The following IQUB variants were observed in gnomAD, a reference collection of about 807,000 sequenced individuals.
The protein encoded by IQUB is IQ motif and ubiquitin-like domain-containing protein.
IQUB carries 86 observed loss-of-function variants against 86.4 expected under a neutral mutation model. The observed-to-expected ratio is 1.00, with a 90% CI of 0.84 to 1.19. The LOEUF (loss-of-function observed/expected upper bound fraction) is 1.19, where lower values mean the gene tolerates loss of function less well. IQUB is among the 50% of genes most tolerant of loss of function. The pLI is 0.00. For synonymous variants in IQUB, 289 were observed against 304.5 expected, an observed-to-expected ratio of 0.95 and a Z score of 0.53; for missense variants, 946 against 916.9, an observed-to-expected ratio of 1.03 and a Z score of -0.41.
intron 1 of IQUB, among the ~76,000 whole-genome samples, chr7:123,518,987 AT>A (rs1172413366): frequency 1.3e-5 from 2 of 148,976 alleles, no homozygotes; most frequent in African/African-American, 2.5e-5. Flanking sequence ...CCCCTAATTT[AT>A]TTTTTTCATC....
intron 1 of IQUB, among the ~76,000 whole-genome samples, chr7:123,512,648 A>G (rs894369400): frequency 6.6e-6 from 1 of 152,164 alleles, no homozygotes; most frequent in Non-Finnish European, 1.5e-5. Flanking sequence ...GCCTCATGAA[A>G]AGACTTTTTG....
chr7:123,488,316 G>A (rs924453606), intron 7 of IQUB, among the ~76,000 whole-genome samples: 3 of 150,290 alleles, frequency 2.0e-5, no homozygotes, highest in African/African-American at 7.4e-5. Context: ...ACTCCAGCCT[G>A]GGTGACAGAG....
chr7:123,469,318 T>C lies in IQUB; in HGVS notation c.1477A>G (p.Ile493Val), dbSNP rs1259785565. ...ATATTTTGCAGCTCTCTGGCTCTGATGGTGAACTGCGTATCCATCTCAATT... is the reference window on the plus strand; with the variant it reads ...ATATTTTGCAGCTCTCTGGCTCTGACGGTGAACTGCGTATCCATCTCAATT... ...KTIEMDTQFT[I>V]RARELQNIYK... The change falls in exon 9 of 13, where the codon ATC (isoleucine) becomes GTC (valine). Residue 493 changes from isoleucine (I) to valine (V), a missense_variant. Coordinates refer to ENST00000324698, the MANE Select transcript of IQUB (RefSeq NM_178827.5). 2 of 1,609,892 alleles carry C rather than the reference T, an allele frequency of 1.2e-6. No individual in the cohort carries two copies. The highest frequency in any genetic ancestry group is 2.2e-5 in the East Asian group (1 of 44,670).
intron 1 of IQUB, among the ~76,000 whole-genome samples, chr7:123,518,053 A>T (rs1214656514): frequency 2.0e-5 from 3 of 152,264 alleles, no homozygotes. Context: ...TAAATTTCAT[A>T]ACTGTAACAT....
chr7:123,511,597 T>G (rs1317285700), intron 2 of IQUB, among the ~76,000 whole-genome samples: 1 of 152,204 alleles, frequency 6.6e-6, no homozygotes, highest in Admixed American at 6.5e-5. Flanking sequence ...AACAATTAAT[T>G]CCAAATTGGC....
intron 1 of IQUB, among the ~76,000 whole-genome samples, chr7:123,516,374 T>C (rs774658443): frequency 2.4e-4 from 36 of 152,120 alleles, no homozygotes; most frequent in Admixed American, 6.6e-4. Context: ...ATATCTGTTG[T>C]GGGGGTGAAA....
At chr7:123,481,532 C>T (rs941638316) in intron 7 of IQUB, among the ~76,000 whole-genome samples, 20 of 151,816 alleles carry the variant, frequency 1.3e-4, no homozygotes, top group African/African-American at 4.6e-4. Flanking sequence ...TGTAAGAAAC[C>T]CTGGGGAATT....
intron 9 of IQUB, among the ~76,000 whole-genome samples, chr7:123,466,983 T>A (rs1243216370): frequency 6.6e-6 from 1 of 152,064 alleles, no homozygotes; most frequent in Non-Finnish European, 1.5e-5. Flanking sequence ...TGAACGAACA[T>A]CTGCCAAGTG....
chr7:123,502,734 T>A lies in IQUB; in HGVS notation c.886A>T (p.Asn296Tyr). The A allele has an allele frequency of 6.2e-7, 1 of 1,602,804 alleles. No individual in the cohort carries two copies. ...RDTQTVFQKK[N>Y]LQQTTNTTST... ...GTTGTATTTGTAGTTTGTTGGAGAT[T>A]TTTTTTCTGAAAAACTGTCTAAAAG... The change falls in exon 6 of 13, where the codon AAT (asparagine) becomes TAT (tyrosine). Residue 296 changes from asparagine (N) to tyrosine (Y), a missense_variant. Transcript: ENST00000324698.
At chr7:123,454,606 C>A (rs1793606242) in intron 12 of IQUB, among the ~76,000 whole-genome samples, 1 of 152,202 alleles carries the variant, frequency 6.6e-6, no homozygotes, top group Non-Finnish European at 1.5e-5. Context: ...AAGGTCCATT[C>A]TCTTGAAATA....
chr7:123,472,215 GCA>G, intron 8 of IQUB, among the ~76,000 whole-genome samples: 1 of 149,708 alleles, frequency 6.7e-6, no homozygotes, highest in Non-Finnish European at 1.5e-5. Flanking sequence ...TCCAGCCTGG[GCA>G]ACAGTGCAAG....
chr7:123,457,693 C>A, intron 11 of IQUB, 127 bp from the exon 12 acceptor site: 1 of 694,064 alleles, frequency 1.4e-6, no homozygotes, highest in Non-Finnish European at 2.4e-6. Flanking sequence ...GTTTCAATGA[C>A]ACATAGCCCC....
intron 1 of IQUB, among the ~76,000 whole-genome samples, chr7:123,514,008 G>A (rs1040647538): frequency 4.6e-5 from 7 of 152,138 alleles, no homozygotes; most frequent in African/African-American, 1.2e-4. Context: ...AAAGAATACG[G>A]ATCCTCAGAT....
At chr7:123,496,668 T>C (rs770143727) in intron 7 of IQUB, 28 bp downstream of exon 7, 59 of 1,330,706 alleles carry the variant, frequency 4.4e-5, no homozygotes, top group Non-Finnish European at 5.8e-5. Flanking sequence ...TTTAAAAATA[T>C]TTTTTGCAAA....
chr7:123,461,268 TCA>T (rs111355527), intron 11 of IQUB, 87 bp downstream of exon 11: 3,625 of 1,226,084 alleles, frequency 3.0e-3, no homozygotes, highest in Non-Finnish European at 3.4e-3. Flanking sequence ...CATTAAACAA[TCA>T]CACACACACA....
intron 8 of IQUB, 83 bp downstream of exon 8, chr7:123,479,712 A>G (rs757238417): frequency 2.5e-5 from 25 of 981,118 alleles, no homozygotes; most frequent in Non-Finnish European, 3.7e-5. Flanking sequence ...AGTTCTTGCA[A>G]TCTAAGTCTC....
intron 7 of IQUB, among the ~76,000 whole-genome samples, chr7:123,488,612 C>A (rs1443825827): frequency 1.3e-5 from 2 of 152,168 alleles, no homozygotes; most frequent in Non-Finnish European, 2.9e-5. Flanking sequence ...ACCCTACATA[C>A]ACACAGAATC....
chr7:123,533,399 A>T (rs958687222), intron 1 of IQUB, among the ~76,000 whole-genome samples: 1 of 152,126 alleles, frequency 6.6e-6, no homozygotes, highest in African/African-American at 2.4e-5. Context: ...ACATCCTCAT[A>T]TTGTTTTATG....
intron 1 of IQUB, among the ~76,000 whole-genome samples, chr7:123,525,096 G>T (rs935762978): frequency 1.3e-5 from 2 of 152,224 alleles, no homozygotes; most frequent in Non-Finnish European, 2.9e-5. Context: ...TGCTGGATTC[G>T]GTTTGCCAGT....
Sources: allele counts gnomAD v4.1 joint callset (sites outside exome capture counted in the v4.1 genomes callset), GRCh38; gene constraint gnomAD v4.1.1; transcripts MANE v1.5; gene names NCBI Gene and HGNC (gene_info 2026-07-23, HGNC 2026-07-21).